The following ABI3BP variants were observed in gnomAD, a reference collection of about 807,000 sequenced individuals.
ABI3BP encodes ABI family member 3 binding protein.
A neutral mutation model predicts 268.6 loss-of-function variants in ABI3BP; 216 were observed. That is an observed-to-expected ratio of 0.80 (90% CI 0.72 to 0.90). The LOEUF (loss-of-function observed/expected upper bound fraction) is 0.90. ABI3BP is among the 40% of genes least tolerant of loss of function. The pLI is 0.00. For synonymous variants in ABI3BP, 730 were observed against 730.0 expected, an observed-to-expected ratio of 1.00 and a Z score of 0.00; for missense variants, 2,090 against 2,182.4, an observed-to-expected ratio of 0.96 and a Z score of 0.84.
intron 25 of ABI3BP, 34 bp from the exon 26 acceptor site, chr3:100,838,318 C>T (rs1194302581): frequency 1.8e-5 from 28 of 1,527,810 alleles, no homozygotes; most frequent in African/African-American, 5.5e-5. Context: ...ATTAGTGTTA[C>T]GGCTGAGCTG....
At chr3:100,958,371 G>A (rs9822089) in intron 1 of ABI3BP, among the ~76,000 whole-genome samples, 24,042 of 152,192 alleles carry the variant, frequency 0.16, 2,018 homozygotes, top group Middle Eastern at 0.23. Flanking sequence ...TCATTAGAGC[G>A]AGTGTACTTT....
At chr3:100,843,704 A>G (rs1371252712) in intron 20 of ABI3BP, 1 of 984,264 alleles carries the variant, frequency 1.0e-6, no homozygotes, top group Non-Finnish European at 1.2e-6. Flanking sequence ...CTCAGATGCT[A>G]TAGGACAAGA....
rs1417241987 is a variant in ABI3BP at position 100,962,633 on chromosome 3, G to A, written c.79+30673C>T. On this transcript the variant is annotated intron_variant, in intron 1 of 67. Coordinates refer to ENST00000471714, the MANE Select transcript of ABI3BP (RefSeq NM_001375547.2). ...AGCAGTGACTTCACTAGATTCACTA[G>A]ATACTGTTCATTTTACTTAAAGATT... Among the ~76,000 whole-genome samples, 4 of 152,170 alleles carry A rather than the reference G, an allele frequency of 2.6e-5. No individual in the cohort carries two copies. The East Asian group carries it at 7.7e-4, about 29-fold the overall frequency.
chr3:100,898,237 C>A (rs1346191545), intron 4 of ABI3BP, among the ~76,000 whole-genome samples: 1 of 152,236 alleles, frequency 6.6e-6, no homozygotes, highest in Admixed American at 6.5e-5. Flanking sequence ...GGCATCAAAA[C>A]CACCTGGAAG....
At chr3:100,772,768 A>G (rs2096586354) in intron 61 of ABI3BP, among the ~76,000 whole-genome samples, 1 of 152,178 alleles carries the variant, frequency 6.6e-6, no homozygotes, top group Non-Finnish European at 1.5e-5. Context: ...TATTAAATGT[A>G]AGGTTCTACA....
chr3:100,842,026 C>G lies in ABI3BP; in HGVS notation c.1737G>C (p.Gln579His). The part of the protein sequence containing the change: ...VTHTKPAPEP[Q>H]TLLPSQSTIG... ...TTGTTGACTGTGATGGCAGTAGAGT[C>G]TGAGGTTCTGGGGCTGTAATAAAAG... Residue 579 changes from glutamine (Q) to histidine (H), a missense_variant, in exon 21 of 68, where the codon CAG (glutamine) becomes CAC (histidine). Transcript: ENST00000471714. 1 of 1,534,624 alleles carries G rather than the reference C, an allele frequency of 6.5e-7. No homozygotes were observed. Among genetic ancestry groups the G allele is most frequent in the Non-Finnish European group, 8.7e-7 (1 of 1,145,884 alleles).
At chr3:100,891,477 G>T (rs552463937) in intron 4 of ABI3BP, among the ~76,000 whole-genome samples, 1 of 152,284 alleles carries the variant, frequency 6.6e-6, no homozygotes, top group South Asian at 2.1e-4. Flanking sequence ...ACTAAATTTT[G>T]ACAACCCTAT....
intron 3 of ABI3BP, 56 bp downstream of exon 3, chr3:100,902,562 A>G (rs2050944659): frequency 6.4e-7 from 1 of 1,552,368 alleles, no homozygotes; most frequent in Admixed American, 1.7e-5. Flanking sequence ...AAAAGAGATG[A>G]AAAGTCATGG....
At chr3:100,787,346 G>C (rs2097081779) in intron 57 of ABI3BP, among the ~76,000 whole-genome samples, 2 of 152,042 alleles carry the variant, frequency 1.3e-5, no homozygotes, top group African/African-American at 4.8e-5. Context: ...AATTTTAATG[G>C]TACTTGGTAA....
intron 63 of ABI3BP, among the ~76,000 whole-genome samples, chr3:100,757,841 T>A (rs1181042036): frequency 1.3e-5 from 2 of 151,888 alleles, no homozygotes; most frequent in South Asian, 2.1e-4. Flanking sequence ...AAAAAAAAAA[T>A]TTGCATCTGG....
intron 63 of ABI3BP, among the ~76,000 whole-genome samples, chr3:100,764,877 A>G (rs1381972599): frequency 6.6e-6 from 1 of 152,218 alleles, no homozygotes; most frequent in African/African-American, 2.4e-5. Context: ...TGTAAAATAT[A>G]TCTTAGAGAA....
intron 6 of ABI3BP, among the ~76,000 whole-genome samples, chr3:100,877,883 T>C (rs893510699): frequency 1.2e-4 from 19 of 152,194 alleles, no homozygotes; most frequent in Non-Finnish European, 2.2e-4. Context: ...AAACATACTT[T>C]GTGACATACT....
Position 100,867,566 on chromosome 3 carries a change from G to A in ABI3BP, c.911-610C>T, listed in dbSNP as rs2099064728. On this transcript the variant is annotated intron_variant, in intron 9 of 67. Coordinates refer to ENST00000471714, the MANE Select transcript of ABI3BP (RefSeq NM_001375547.2). ...TGAGGCAGGAGAATGGCGTGAACCC[G>A]GGAGGTGGAGCTTGCAGTGAGCCGA... 3.3e-5 allele frequency among the ~76,000 whole-genome samples: 5 copies of A among 149,562 alleles called. No individual in the cohort carries two copies. In the South Asian group the frequency reaches 8.6e-4, roughly 26 times the overall value.
chr3:100,987,607 T>G (rs949714290), intron 1 of ABI3BP, among the ~76,000 whole-genome samples: 1 of 152,210 alleles, frequency 6.6e-6, no homozygotes, highest in African/African-American at 2.4e-5. Context: ...TCAGTTTACC[T>G]AGTAGATGCT....
intron 33 of ABI3BP, among the ~76,000 whole-genome samples, 196 bp downstream of exon 33, chr3:100,829,385 T>G (rs906738950): frequency 6.6e-6 from 1 of 152,188 alleles, no homozygotes; most frequent in Non-Finnish European, 1.5e-5. Context: ...ATGAAGAGAA[T>G]TGAATGAGAA....
At chr3:100,872,507 T>A (rs760278388) in intron 9 of ABI3BP, among the ~76,000 whole-genome samples, 1 of 152,206 alleles carries the variant, frequency 6.6e-6, no homozygotes, top group Non-Finnish European at 1.5e-5. Context: ...GAGAAACAAC[T>A]CTGCTCATTT....
At chr3:100,884,250 AAACC>A (rs2040809790) in intron 6 of ABI3BP, among the ~76,000 whole-genome samples, 1 of 152,044 alleles carries the variant, frequency 6.6e-6, no homozygotes, top group African/African-American at 2.4e-5. Context: ...TAAAAACAAA[AAACC>A]AACCAAACAG....
chr3:100,881,676 G>GAA (rs5851233), intron 6 of ABI3BP, among the ~76,000 whole-genome samples: 32 of 149,948 alleles, frequency 2.1e-4, no homozygotes, highest in African/African-American at 3.7e-4. Context: ...TCTCTAAATG[G>GAA]AAAAAAAAAG....
At chr3:100,894,183 A>T (rs992296974) in intron 4 of ABI3BP, among the ~76,000 whole-genome samples, 4 of 152,170 alleles carry the variant, frequency 2.6e-5, no homozygotes, top group Admixed American at 2.0e-4. Context: ...GGGCCTTCAT[A>T]AACGATAGTA....
Sources: gnomAD v4.1 joint callset for allele counts (sites outside exome capture counted in the v4.1 genomes callset) on GRCh38, gnomAD v4.1.1 for gene constraint, MANE v1.5 for transcripts, NCBI Gene and HGNC (gene_info 2026-07-23, HGNC 2026-07-21) for gene names.